The following SDK1 variants were observed in gnomAD, a reference collection of about 807,000 sequenced individuals.
SDK1 encodes protein sidekick-1.
Under a neutral mutation model 245.5 loss-of-function variants are expected in SDK1, and 157 were observed. The observed-to-expected ratio is 0.64, with a 90% CI of 0.56 to 0.73. The LOEUF is 0.73. Ranked by LOEUF, SDK1 falls within the 30% of genes least tolerant of loss-of-function variation. SDK1 has a pLI of 0.00. For missense variants in SDK1, 3,583 were observed against 3,002.3 expected (o/e 1.19, Z -4.52); for synonymous variants, 1,647 against 1,278.5 (o/e 1.29, Z -6.15).
chr7:3,701,372 T>C (rs1784735048), intron 4 of SDK1, among the ~76,000 whole-genome samples: 1 of 152,226 alleles, frequency 6.6e-6, no homozygotes, highest in Admixed American at 6.5e-5. Flanking sequence ...AGTGAATTTT[T>C]CCCAAATTGA....
intron 5 of SDK1, among the ~76,000 whole-genome samples, chr7:3,917,399 C>G (rs1406577845): frequency 5.3e-5 from 8 of 152,116 alleles, no homozygotes; most frequent in Non-Finnish European, 8.8e-5. Context: ...GACGGGAAGC[C>G]TCATTGCATC....
At chr7:3,381,570 C>G (rs544436976) in intron 1 of SDK1, among the ~76,000 whole-genome samples, 1 of 151,882 alleles carries the variant, frequency 6.6e-6, no homozygotes, top group Non-Finnish European at 1.5e-5. Context: ...TAAAGGCTGG[C>G]GATACTGTAG....
intron 4 of SDK1, among the ~76,000 whole-genome samples, chr7:3,644,245 A>T (rs563330972): frequency 1.4e-3 from 30 of 22,110 alleles, no homozygotes; most frequent in African/African-American, 2.8e-3. Flanking sequence ...ACAAAAATTT[A>T]TATATATATA....
chr7:4,244,637 G>A (rs548762400), intron 43 of SDK1, among the ~76,000 whole-genome samples: 1 of 152,200 alleles, frequency 6.6e-6, no homozygotes, highest in Non-Finnish European at 1.5e-5. Flanking sequence ...GCACCACGCG[G>A]TCTCCCTGGG....
intron 1 of SDK1, among the ~76,000 whole-genome samples, chr7:3,422,103 A>C (rs66941572): frequency 1.3e-5 from 2 of 152,094 alleles, no homozygotes; most frequent in African/African-American, 4.8e-5. Flanking sequence ...AGATGTATCT[A>C]TCTATAATGA....
chr7:3,858,527 T>G (rs1231701785), intron 5 of SDK1, among the ~76,000 whole-genome samples: 1 of 152,122 alleles, frequency 6.6e-6, no homozygotes, highest in Non-Finnish European at 1.5e-5. Context: ...GAAGACTGAA[T>G]GTAGAAAAAT....
At chr7:4,230,039 AGAAGGAAGGAAG>A (rs55723679) in intron 40 of SDK1, among the ~76,000 whole-genome samples, 151 of 66,618 alleles carry the variant, frequency 2.3e-3, no homozygotes, top group East Asian at 6.2e-3. Context: ...AGGGGGACCC[AGAAGGAAGGAAG>A]GAAGGAAGGA....
chr7:3,517,379 G>C (rs1018630947), intron 1 of SDK1, among the ~76,000 whole-genome samples: 44 of 151,912 alleles, frequency 2.9e-4, no homozygotes, highest in African/African-American at 1.1e-3. Flanking sequence ...ATTTCCTCTT[G>C]AGCTATACCT....
chr7:3,366,123 CTCTAAT>C (rs754754301), intron 1 of SDK1, among the ~76,000 whole-genome samples: 1 of 150,630 alleles, frequency 6.6e-6, no homozygotes, highest in Non-Finnish European at 1.5e-5. Flanking sequence ...ATTTCTGTTT[CTCTAAT>C]TCTGAGTTTT....
intron 5 of SDK1, among the ~76,000 whole-genome samples, chr7:3,878,879 C>A (rs1469786791): frequency 2.0e-5 from 3 of 152,054 alleles, no homozygotes; most frequent in Admixed American, 6.5e-5. Context: ...CAAAAGTATA[C>A]AAATCTCAAC....
Position 3,631,362 on chromosome 7 carries a change from G to A in SDK1, c.459-7642G>A, listed in dbSNP as rs181787277. Among the ~76,000 whole-genome samples the A allele has an allele frequency of 2.6e-5, 4 of 152,236 alleles. No homozygotes were observed. The East Asian group carries it at 7.7e-4, about 29-fold the overall frequency. ...TTTCCTCATCACCCAACCTAATTGT[G>A]TGTAACTCCCATCTACATCTTCGTG... On this transcript the variant is annotated intron_variant, in intron 2 of 44. Coordinates refer to ENST00000404826, the MANE Select transcript of SDK1 (RefSeq NM_152744.4).
At chr7:3,761,948 C>T (rs142683941) in intron 4 of SDK1, among the ~76,000 whole-genome samples, 2 of 152,234 alleles carry the variant, frequency 1.3e-5, no homozygotes, top group African/African-American at 4.8e-5. Flanking sequence ...AATATTGTTT[C>T]CATATGACAA....
intron 1 of SDK1, among the ~76,000 whole-genome samples, chr7:3,563,104 G>A (rs1396354999): frequency 6.6e-6 from 1 of 152,152 alleles, no homozygotes; most frequent in Non-Finnish European, 1.5e-5. Flanking sequence ...TGGATCTGCT[G>A]GGGAGACATT....
intron 1 of SDK1, among the ~76,000 whole-genome samples, chr7:3,305,949 C>G (rs73044757): frequency 0.19 from 28,294 of 152,116 alleles, 2,650 homozygotes; most frequent in African/African-American, 0.23. Flanking sequence ...CAGATGTTAA[C>G]TAACTTTCCT....
At chr7:3,375,804 C>T (rs930188465) in intron 1 of SDK1, among the ~76,000 whole-genome samples, 6 of 152,302 alleles carry the variant, frequency 3.9e-5, no homozygotes, top group African/African-American at 1.4e-4. Flanking sequence ...TTGCCTGCAA[C>T]CTCATGTGGA....
intron 1 of SDK1, among the ~76,000 whole-genome samples, chr7:3,384,526 C>G (rs956538697): frequency 2.0e-5 from 3 of 152,192 alleles, no homozygotes; most frequent in African/African-American, 7.2e-5. Flanking sequence ...CTAACGTTGT[C>G]TAACCCAGTG....
intron 29 of SDK1, 119 bp from the exon 30 acceptor site, chr7:4,149,143 C>T (rs1336939625): frequency 1.5e-6 from 1 of 664,748 alleles, no homozygotes; most frequent in Non-Finnish European, 2.3e-6. Context: ...CTGTCCAAGG[C>T]ATGCAGGCAG....
chr7:3,377,268 A>G (rs925971930), intron 1 of SDK1, among the ~76,000 whole-genome samples: 2 of 152,070 alleles, frequency 1.3e-5, no homozygotes, highest in Non-Finnish European at 2.9e-5. Flanking sequence ...CCATGCTTTA[A>G]GATCTTCAAG....
chr7:4,151,971 T>C (rs1380559778), intron 30 of SDK1, among the ~76,000 whole-genome samples: 1 of 152,318 alleles, frequency 6.6e-6, no homozygotes, highest in African/African-American at 2.4e-5. Context: ...AAACCCAGTG[T>C]GTGTGCATCT....
Sources: allele counts gnomAD v4.1 joint callset (sites outside exome capture counted in the v4.1 genomes callset), GRCh38; gene constraint gnomAD v4.1.1; transcripts MANE v1.5; gene names NCBI Gene and HGNC (gene_info 2026-07-23, HGNC 2026-07-21).